Variants in HMGCLL1 observed in about 807,000 individuals in gnomAD.
HMGCLL1 encodes the protein 3-hydroxymethyl-3-methylglutaryl-CoA lyase, cytoplasmic.
Under a neutral mutation model 39.1 loss-of-function variants are expected in HMGCLL1, and 36 were observed. The ratio of observed to expected loss-of-function variants is 0.92; its 90% CI spans 0.71 to 1.22. The LOEUF is 1.22. Ranked by LOEUF, HMGCLL1 falls within the 50% of genes most tolerant of loss-of-function variation. The probability of loss-of-function intolerance (pLI) is 0.00; values close to 1 mark genes in which losing one functional copy is unlikely to be tolerated. For missense variants in HMGCLL1, 451 were observed against 416.5 expected (o/e 1.08, Z -0.72); for synonymous variants, 149 against 144.0 (o/e 1.03, Z -0.25).
chr6:55,477,285 A>ATATAT (rs1765426229), intron 7 of HMGCLL1, among the ~76,000 whole-genome samples: 1 of 16,944 alleles, frequency 5.9e-5, no homozygotes, highest in African/African-American at 6.0e-4. Context: ...ATTATATATT[A>ATATAT]TATATAAAAT....
At chr6:55,475,450 C>T (rs1216935010) in intron 7 of HMGCLL1, among the ~76,000 whole-genome samples, 1 of 151,562 alleles carries the variant, frequency 6.6e-6, no homozygotes, top group Non-Finnish European at 1.5e-5. Flanking sequence ...AAATCTGCAG[C>T]TCTGGATTTG....
the HMGCLL1 span, among the ~76,000 whole-genome samples, chr6:55,627,921 A>ATATAAT: frequency 4.7e-4 from 1 of 2,116 alleles, no homozygotes; most frequent in African/African-American, 1.4e-3. Flanking sequence ...ATATATATAT[A>ATATAAT]ATATATATAC....
chr6:55,469,097 A>G (rs1279404293), intron 7 of HMGCLL1, among the ~76,000 whole-genome samples: 2 of 151,484 alleles, frequency 1.3e-5, no homozygotes, highest in Non-Finnish European at 3.0e-5. Flanking sequence ...TGTTGAAATT[A>G]GAACAAATAT....
chr6:55,464,641 G>C (rs1026345454), intron 7 of HMGCLL1, among the ~76,000 whole-genome samples: 2 of 151,984 alleles, frequency 1.3e-5, no homozygotes, highest in African/African-American at 4.8e-5. Flanking sequence ...ATTTCCTACA[G>C]GTAAACTCAA....
At chr6:55,522,660 G>T (rs768788471) in intron 3 of HMGCLL1, among the ~76,000 whole-genome samples, 1 of 151,926 alleles carries the variant, frequency 6.6e-6, no homozygotes, top group African/African-American at 2.4e-5. Flanking sequence ...TTCCAGAGCT[G>T]CATTTGTAAT....
intron 5 of HMGCLL1, among the ~76,000 whole-genome samples, chr6:55,499,793 C>A (rs1766780127): frequency 6.6e-6 from 1 of 151,926 alleles, no homozygotes; most frequent in Non-Finnish European, 1.5e-5. Context: ...TGGGCATAGC[C>A]TCAGAGTTCA....
intron 3 of HMGCLL1, 54 bp downstream of exon 3, chr6:55,541,674 TA>T: frequency 1.2e-6 from 1 of 854,780 alleles, no homozygotes; most frequent in Non-Finnish European, 1.9e-6. Flanking sequence ...ATTTACCAAA[TA>T]TTTTTTGGTG....
Position 55,514,331 on chromosome 6 carries a change from C to T in HMGCLL1, c.394-135G>A, listed in dbSNP as rs935559467. 2.1e-5 allele frequency: 13 copies of T among 606,980 alleles called. No homozygotes were observed. The African/African-American group carries it at 2.5e-4, about 12-fold the overall frequency. 37.6% of individuals were successfully genotyped at this position (606,980 alleles called of 1,614,324 possible). A position where few individuals can be genotyped will look rare whatever the true frequency, so the allele number is the denominator to read the frequency against. On this transcript the variant is annotated intron_variant, in intron 4 of 8. Coordinates refer to ENST00000274901, the MANE Select transcript of HMGCLL1 (RefSeq NM_001042406.2). ...TTGCCTTAGAATTTAAAATTGGATT[C>T]CTCTCATCTTGCCACATATATTCTT...
the HMGCLL1 span, among the ~76,000 whole-genome samples, chr6:55,588,442 A>G: frequency 6.6e-6 from 1 of 152,108 alleles, no homozygotes; most frequent in Non-Finnish European, 1.5e-5. Flanking sequence ...AATGCCCACA[A>G]GAGAAAGCAG....
intron 7 of HMGCLL1, among the ~76,000 whole-genome samples, chr6:55,451,995 TAA>T (rs2127389440): frequency 6.6e-6 from 1 of 152,294 alleles, no homozygotes; most frequent in South Asian, 2.1e-4. Flanking sequence ...TAGAACATAA[TAA>T]GTTATTATTC....
the HMGCLL1 span, among the ~76,000 whole-genome samples, chr6:55,586,165 A>C: frequency 1.3e-5 from 2 of 152,218 alleles, no homozygotes; most frequent in South Asian, 4.1e-4. Flanking sequence ...AAAATAGGCC[A>C]GTATGTTGAT....
the HMGCLL1 span, among the ~76,000 whole-genome samples, chr6:55,585,966 T>A: frequency 6.6e-6 from 1 of 152,070 alleles, no homozygotes; most frequent in Non-Finnish European, 1.5e-5. Flanking sequence ...AGAAATTAAA[T>A]TCTAAAGCTG....
intron 5 of HMGCLL1, chr6:55,513,051 G>C (rs910629907): frequency 6.6e-6 from 1 of 152,212 alleles, no homozygotes; most frequent in Admixed American, 6.6e-5. Context: ...CACCAAGGCA[G>C]ATTTTTCCCT....
chr6:55,537,311 TTTTACAAGTATGTGATTTA>T (rs1769091146), intron 3 of HMGCLL1, among the ~76,000 whole-genome samples: 2 of 152,194 alleles, frequency 1.3e-5, no homozygotes, highest in African/African-American at 4.8e-5. Flanking sequence ...CACACTGATC[TTTTACAAGTATGTGATTTA>T]TTTAAACCAC....
intron 1 of HMGCLL1, among the ~76,000 whole-genome samples, chr6:55,573,404 G>C (rs1771615604): frequency 6.6e-6 from 1 of 152,150 alleles, no homozygotes; most frequent in Admixed American, 6.5e-5. Flanking sequence ...CTGGATATTG[G>C]AGTTGTCAGA....
chr6:55,657,387 G>C, the HMGCLL1 span, among the ~76,000 whole-genome samples: 1 of 151,896 alleles, frequency 6.6e-6, no homozygotes, highest in African/African-American at 2.4e-5. Flanking sequence ...TAAGGAAGGG[G>C]TCCAGTTTCA....
chr6:55,678,126 T>C, the HMGCLL1 span, among the ~76,000 whole-genome samples: 1 of 152,158 alleles, frequency 6.6e-6, no homozygotes, highest in Admixed American at 6.5e-5. Context: ...TTAACCACTC[T>C]AGGTCAGGGT....
At chr6:55,633,115 C>T in the HMGCLL1 span, among the ~76,000 whole-genome samples, 1 of 151,978 alleles carries the variant, frequency 6.6e-6, no homozygotes, top group African/African-American at 2.4e-5. Flanking sequence ...CAGTGCTGGC[C>T]AATTCACTCA....
At chr6:55,553,330 C>T (rs1213415844) in intron 1 of HMGCLL1, among the ~76,000 whole-genome samples, 5 of 150,668 alleles carry the variant, frequency 3.3e-5, no homozygotes, top group African/African-American at 9.8e-5. Context: ...CCCAGCTACT[C>T]GGGAGGTTGA....
Sources: allele counts gnomAD v4.1 joint callset (sites outside exome capture counted in the v4.1 genomes callset), GRCh38; gene constraint gnomAD v4.1.1; transcripts MANE v1.5; gene names NCBI Gene and HGNC (gene_info 2026-07-23, HGNC 2026-07-21).